Variants in POU6F2 observed in about 807,000 individuals in gnomAD.
POU6F2 encodes the protein POU class 6 homeobox 2, also known as POU domain, class 6, transcription factor 2.
POU6F2 carries 31 observed loss-of-function variants against 71.3 expected under a neutral mutation model. That is an observed-to-expected ratio of 0.43 (90% CI 0.33 to 0.59). The LOEUF is 0.59. Among genes scored for constraint, POU6F2 ranks in the 20% least tolerant of loss-of-function variants. The pLI is 0.04. For synonymous variants in POU6F2, 347 were observed against 355.7 expected (o/e 0.98, Z 0.27); for missense variants, 783 against 856.8 (o/e 0.91, Z 1.07).
At chr7:38,983,689 C>A (rs1022375580) in intron 1 of POU6F2, among the ~76,000 whole-genome samples, 2 of 151,988 alleles carry the variant, frequency 1.3e-5, no homozygotes, top group African/African-American at 4.8e-5. Context: ...GTGAATATTG[C>A]TTAATTTTTA....
chr7:39,149,171 A>G (rs940521002), intron 2 of POU6F2, among the ~76,000 whole-genome samples: 3 of 152,134 alleles, frequency 2.0e-5, no homozygotes, highest in Non-Finnish European at 2.9e-5. Context: ...TCCATTCCTC[A>G]CTGTCTCCCT....
chr7:39,138,362 G>A (rs1292303879), intron 2 of POU6F2, among the ~76,000 whole-genome samples: 1 of 152,202 alleles, frequency 6.6e-6, no homozygotes, highest in Admixed American at 6.5e-5. Flanking sequence ...TCAGTAGCCT[G>A]TTAGCAACCA....
intron 2 of POU6F2, among the ~76,000 whole-genome samples, chr7:39,091,659 G>A (rs950547972): frequency 6.6e-6 from 1 of 152,132 alleles, no homozygotes; most frequent in Admixed American, 6.5e-5. Flanking sequence ...CCCAGTTTAT[G>A]TCATAATTAA....
chr7:39,173,375 A>G (rs564131298), intron 2 of POU6F2, among the ~76,000 whole-genome samples: 1 of 152,328 alleles, frequency 6.6e-6, no homozygotes, highest in African/African-American at 2.4e-5. Context: ...TAACTTTTCT[A>G]TGCTTCAGTT....
chr7:39,446,561 C>T (rs1156689672), intron 7 of POU6F2, among the ~76,000 whole-genome samples: 1 of 152,176 alleles, frequency 6.6e-6, no homozygotes, highest in Non-Finnish European at 1.5e-5. Context: ...GGATCAGTGG[C>T]ACAGAAAACC....
At chr7:39,410,538 G>A (rs945321553) in intron 6 of POU6F2, among the ~76,000 whole-genome samples, 7 of 152,168 alleles carry the variant, frequency 4.6e-5, no homozygotes, top group Admixed American at 1.3e-4. Flanking sequence ...GCAATGGAAC[G>A]GGTGCTAGCT....
chr7:39,269,238 G>GAA (rs1784302052), intron 4 of POU6F2, among the ~76,000 whole-genome samples: 2 of 152,152 alleles, frequency 1.3e-5, no homozygotes, highest in Admixed American at 6.5e-5. Context: ...CCAGGGGAGA[G>GAA]AAGGAAGGTT....
intron 6 of POU6F2, among the ~76,000 whole-genome samples, chr7:39,411,722 G>C (rs777535873): frequency 1.3e-5 from 2 of 152,126 alleles, no homozygotes; most frequent in Non-Finnish European, 2.9e-5. Flanking sequence ...TGACCACAAG[G>C]CCGTGATGAA....
chr7:39,207,826 C>A (rs990890088), intron 4 of POU6F2, among the ~76,000 whole-genome samples: 1 of 152,194 alleles, frequency 6.6e-6, no homozygotes, highest in African/African-American at 2.4e-5. Context: ...TATCAATCCT[C>A]ATTTCCTAAC....
At chr7:39,385,219 C>A (rs1487962753) in intron 5 of POU6F2, among the ~76,000 whole-genome samples, 2 of 152,172 alleles carry the variant, frequency 1.3e-5, no homozygotes, top group Admixed American at 6.5e-5. Context: ...AAATGAGACA[C>A]AGTAAGTTCT....
rs118120876 is a variant in POU6F2, at chr7:39,092,921, C to T, written c.277+6890C>T. Among the ~76,000 whole-genome samples the T allele has an allele frequency of 9.3e-3, 1,421 of 152,124 alleles. 13 individuals carry two copies. The highest frequency in any genetic ancestry group is 0.015 in the Admixed American group (236 of 15,256). ...AATTAACTTTGTTTTATAAGTATTC[C>T]AGGATAATTTTTTAAAACTACCTAA... is the stretch of plus-strand genomic sequence containing the variant. On this transcript the variant is annotated intron_variant, in intron 2 of 9. Transcript: ENST00000518318.
At chr7:38,997,088 A>G (rs1788761918) in intron 1 of POU6F2, among the ~76,000 whole-genome samples, 2 of 152,182 alleles carry the variant, frequency 1.3e-5, no homozygotes, top group Non-Finnish European at 2.9e-5. Context: ...CCCCAAATGT[A>G]GAGCAGAGAA....
At chr7:39,406,371 T>G (rs1376572400) in intron 5 of POU6F2, 2 of 547,214 alleles carry the variant, frequency 3.7e-6, no homozygotes, top group Non-Finnish European at 6.5e-6. Context: ...GGGCTAGCCC[T>G]AAACCCAGAC....
chr7:39,173,418 A>G (rs761650378), intron 2 of POU6F2, among the ~76,000 whole-genome samples: 2 of 152,222 alleles, frequency 1.3e-5, no homozygotes, highest in African/African-American at 2.4e-5. Flanking sequence ...AGTCATAGTA[A>G]CTATTGGGTA....
At chr7:39,052,558 G>A (rs748651356) in intron 1 of POU6F2, among the ~76,000 whole-genome samples, 8 of 151,990 alleles carry the variant, frequency 5.3e-5, no homozygotes, top group Non-Finnish European at 1.5e-5. Context: ...GGGAGAAACG[G>A]CCCCCATGAT....
At chr7:39,292,236 T>C (rs1784773138) in intron 4 of POU6F2, among the ~76,000 whole-genome samples, 1 of 152,218 alleles carries the variant, frequency 6.6e-6, no homozygotes, top group Non-Finnish European at 1.5e-5. Context: ...AGTCCCGAGC[T>C]CATCTTCCTG....
At chr7:39,057,630 A>G (rs937994070) in intron 1 of POU6F2, among the ~76,000 whole-genome samples, 4 of 152,126 alleles carry the variant, frequency 2.6e-5, no homozygotes, top group African/African-American at 2.4e-5. Context: ...CCACTGCTGT[A>G]TGCTTAAAAA....
At chr7:39,459,056 C>T (rs1431298054) in intron 8 of POU6F2, among the ~76,000 whole-genome samples, 2 of 152,148 alleles carry the variant, frequency 1.3e-5, no homozygotes, top group Non-Finnish European at 2.9e-5. Flanking sequence ...CATTGGATGC[C>T]AACCCCCTAT....
intron 4 of POU6F2, among the ~76,000 whole-genome samples, chr7:39,318,699 T>C (rs1391715592): frequency 6.6e-6 from 1 of 152,242 alleles, no homozygotes. Context: ...CAACTCACTG[T>C]GGCCTTCAAC....
Sources: allele counts gnomAD v4.1 joint callset (sites outside exome capture counted in the v4.1 genomes callset), GRCh38; gene constraint gnomAD v4.1.1; transcripts MANE v1.5; gene names NCBI Gene and HGNC (gene_info 2026-07-23, HGNC 2026-07-21).